Variants in CAMKK2 observed in about 807,000 individuals in gnomAD.
CAMKK2 encodes the protein calcium/calmodulin dependent protein kinase kinase 2, also known as calcium/calmodulin-dependent protein kinase kinase 2.
In CAMKK2, 30 loss-of-function variants were observed where a neutral mutation model predicts 67.2. That is an observed-to-expected ratio of 0.45 (90% CI 0.33 to 0.61). The LOEUF (loss-of-function observed/expected upper bound fraction) is 0.61, where lower values mean the gene tolerates loss of function less well. Among genes scored for constraint, CAMKK2 ranks in the 20% least tolerant of loss-of-function variants. The pLI, the probability that CAMKK2 is intolerant of heterozygous loss-of-function variation, is 0.02. For missense variants in CAMKK2, 643 were observed against 802.0 expected (o/e 0.80, Z 2.39); for synonymous variants, 322 against 326.2 (o/e 0.99, Z 0.14).
rs1889038700 is a variant in CAMKK2, at chr12:121,244,569, T to C, written c.1596+4A>G. ...AGGCTACGGCACAGGCAGGCGGGCG[T>C]TACCTTGAGCTCAGACAGGGACTCA... On this transcript the variant is annotated splice_donor_region_variant and intron_variant, in intron 16 of 16. Coordinates refer to ENST00000404169, the MANE Select transcript of CAMKK2 (RefSeq NM_001270485.2). 1.3e-6 allele frequency: 2 copies of C among 1,557,554 alleles called. No individual in the cohort carries two copies. The highest frequency in any genetic ancestry group is 1.7e-6 in the Non-Finnish European group (2 of 1,150,644).
chr12:121,272,701 TAAA>T (rs11292057), intron 2 of CAMKK2, among the ~76,000 whole-genome samples: 16 of 117,456 alleles, frequency 1.4e-4, no homozygotes, highest in African/African-American at 1.6e-4. Context: ...CATCTCTACT[TAAA>T]AAAAAAAAAA....
chr12:121,248,880 G>A, intron 13 of CAMKK2, 146 bp from the exon 14 acceptor site: 1 of 880,038 alleles, frequency 1.1e-6, no homozygotes, highest in Non-Finnish European at 1.8e-6. Flanking sequence ...CAGAGGGCAG[G>A]GGTGAGCAAA....
intron 16 of CAMKK2, among the ~76,000 whole-genome samples, chr12:121,242,576 C>T (rs1347948952): frequency 6.6e-6 from 1 of 152,200 alleles, no homozygotes; most frequent in Non-Finnish European, 1.5e-5. Flanking sequence ...ACTGTGTCTG[C>T]CTTCTGAGAC....
intron 16 of CAMKK2, among the ~76,000 whole-genome samples, chr12:121,242,342 C>CA (rs111365408): frequency 0.031 from 3,911 of 126,720 alleles, 179 homozygotes; most frequent in African/African-American, 0.1. Flanking sequence ...GACCCTGTCT[C>CA]AAAAAAAAAA....
At chr12:121,274,870 C>T (rs1312450791) in intron 1 of CAMKK2, among the ~76,000 whole-genome samples, 4 of 143,780 alleles carry the variant, frequency 2.8e-5, no homozygotes, top group South Asian at 2.1e-4. Flanking sequence ...TACAGTGGTG[C>T]GATCATAGCT....
At chr12:121,273,197 C>A (rs555429476) in intron 2 of CAMKK2, among the ~76,000 whole-genome samples, 3 of 152,066 alleles carry the variant, frequency 2.0e-5, no homozygotes, top group South Asian at 4.2e-4. Flanking sequence ...GCCCGGGAAG[C>A]CTTTTGGAGG....
intron 2 of CAMKK2, among the ~76,000 whole-genome samples, chr12:121,271,552 T>C (rs11830835): frequency 0.049 from 7,432 of 152,270 alleles, 575 homozygotes; most frequent in African/African-American, 0.17. Flanking sequence ...ATCAAACAAG[T>C]AATCCTTGGC....
intron 5 of CAMKK2, among the ~76,000 whole-genome samples, chr12:121,264,980 C>CAAAAAACA (rs771742708): frequency 0.012 from 1,774 of 147,444 alleles, 39 homozygotes; most frequent in Non-Finnish European, 0.018. Flanking sequence ...AAACAAAAAA[C>CAAAAAACA]AAAAAAAACA....
intron 5 of CAMKK2, among the ~76,000 whole-genome samples, chr12:121,264,995 C>A (rs1343083673): frequency 7.0e-6 from 1 of 142,656 alleles, no homozygotes; most frequent in Non-Finnish European, 1.5e-5. Context: ...AAAACAAAAA[C>A]TAAATAGCAC....
intron 5 of CAMKK2, among the ~76,000 whole-genome samples, chr12:121,264,388 G>A (rs899782073): frequency 2.6e-5 from 4 of 152,212 alleles, no homozygotes; most frequent in African/African-American, 9.7e-5. Context: ...TGTGATCCCA[G>A]CACTTTGGAA....
At chr12:121,275,683 G>A (rs1896662031) in intron 1 of CAMKK2, among the ~76,000 whole-genome samples, 1 of 151,864 alleles carries the variant, frequency 6.6e-6, no homozygotes, top group South Asian at 2.1e-4. Context: ...TAGGACTATG[G>A]GGGTGGTGAC....
At chr12:121,257,639 T>C (rs1288208536) in intron 7 of CAMKK2, among the ~76,000 whole-genome samples, 1 of 152,204 alleles carries the variant, frequency 6.6e-6, no homozygotes, top group African/African-American at 2.4e-5. Flanking sequence ...TTAAAGGTTC[T>C]GATCAGGAAA....
At chr12:121,257,096 A>G (rs751436420) in intron 7 of CAMKK2, among the ~76,000 whole-genome samples, 2 of 152,086 alleles carry the variant, frequency 1.3e-5, no homozygotes, top group African/African-American at 2.4e-5. Context: ...TTCTGGAATC[A>G]TACACCCACA....
intron 6 of CAMKK2, among the ~76,000 whole-genome samples, chr12:121,262,238 T>C (rs968475019): frequency 2.0e-5 from 3 of 152,134 alleles, no homozygotes; most frequent in Admixed American, 6.5e-5. Context: ...CTCGGCCGGG[T>C]GCAGTGGCTC....
intron 1 of CAMKK2, among the ~76,000 whole-genome samples, chr12:121,284,107 G>A (rs989431281): frequency 3.3e-5 from 5 of 152,206 alleles, no homozygotes; most frequent in African/African-American, 9.6e-5. Context: ...CTGCCTCTCC[G>A]CTACAGGTGT....
chr12:121,250,731 C>T (rs1593297791), intron 11 of CAMKK2, among the ~76,000 whole-genome samples: 1 of 152,218 alleles, frequency 6.6e-6, no homozygotes, highest in Non-Finnish European at 1.5e-5. Context: ...GGATTTCTGG[C>T]TGTCTTGCTC....
chr12:121,249,868 G>A lies in CAMKK2; in HGVS notation c.1242C>T (p.Asp414=), dbSNP rs1890308893. 3.7e-6 allele frequency: 6 copies of A among 1,614,166 alleles called. No individual in the cohort carries two copies. Among genetic ancestry groups the A allele is most frequent in the Non-Finnish European group, 5.1e-6 (6 of 1,179,990 alleles). ...TCAGGTCCTTCAAGTCCTCAGCTAT[G>A]TCGGGCCTGGGGATGGAGAGGCGTC... ...SQALEFPDQP[D]IAEDLKDLIT... is the part of the protein sequence containing the mutation. The change falls in exon 13 of 17, where the codon GAC becomes GAT. Residue 414 remains aspartate, a synonymous_variant. Transcript: ENST00000404169.
intron 16 of CAMKK2, chr12:121,244,137 C>T: frequency 8.7e-6 from 14 of 1,610,902 alleles, no homozygotes; most frequent in South Asian, 2.2e-5. Context: ...GGTCTAAACA[C>T]ATCAAAGAAA....
chr12:121,274,983 T>C (rs190831240), intron 1 of CAMKK2, among the ~76,000 whole-genome samples: 20 of 151,900 alleles, frequency 1.3e-4, no homozygotes, highest in Non-Finnish European at 2.1e-4. Context: ...CCTAACTCAA[T>C]TCCTATAGGA....
Sources: allele counts gnomAD v4.1 joint callset (sites outside exome capture counted in the v4.1 genomes callset), GRCh38; gene constraint gnomAD v4.1.1; transcripts MANE v1.5; gene names NCBI Gene and HGNC (gene_info 2026-07-23, HGNC 2026-07-21).